Variants in KIF13A observed in about 807,000 individuals in gnomAD.
KIF13A encodes kinesin-like protein KIF13A.
Under a neutral mutation model 212.2 loss-of-function variants are expected in KIF13A, and 79 were observed. The ratio of observed to expected loss-of-function variants is 0.37; its 90% CI spans 0.31 to 0.45. KIF13A has a LOEUF of 0.45. KIF13A is among the 20% of genes least tolerant of loss of function. The probability of loss-of-function intolerance (pLI) is 1.00; values close to 1 mark genes in which losing one functional copy is unlikely to be tolerated. For synonymous variants in KIF13A, 789 were observed against 808.6 expected (o/e 0.98, Z 0.41); for missense variants, 1,901 against 2,209.0 (o/e 0.86, Z 2.79).
chr6:17,945,971 G>C (rs888318612), intron 2 of KIF13A, among the ~76,000 whole-genome samples: 1 of 152,080 alleles, frequency 6.6e-6, no homozygotes, highest in South Asian at 2.1e-4. Context: ...TATCTTGATG[G>C]GGCGAAATTA....
Position 17,849,467 on chromosome 6 carries a change from T to C in KIF13A, c.740A>G (p.Lys247Arg), listed in dbSNP as rs764678759. The C allele has an allele frequency of 4.5e-5, 72 of 1,613,398 alleles. No individual in the cohort carries two copies. The Admixed American group carries it at 5.0e-4, about 11-fold the overall frequency. ...QSGNSGEKVS[K>R]VSLVDLAGSE... is the part of the protein sequence containing the mutation. ...ACCCGCCAGGTCTACCAAGCTGACC[T>C]TACTGACTTTCTCCCCGGAATTCTA... is the stretch of plus-strand genomic sequence containing the variant. Residue 247 changes from lysine to arginine, a missense_variant, in exon 9 of 39, where the codon AAG (lysine) becomes AGG (arginine). Lys to Arg is a conservative substitution (Grantham distance 26). Around this residue, in one of 5 missense-constraint regions of KIF13A, gnomAD observed 506 missense variants for 637.4 expected, o/e 0.79. Transcript: ENST00000259711. This position sits in a 1 kb window ranked among gnomAD's most constrained non-coding sequence, Gnocchi z 5.7.
chr6:17,796,774 T>C lies in KIF13A; in HGVS notation c.2837A>G (p.Asp946Gly). The change falls in exon 23 of 39, where the codon GAT (aspartate) becomes GGT (glycine). Residue 946 changes from aspartate to glycine, a missense_variant. Transcript: ENST00000259711. ...VTEEFLEFISDGALAIEVWGH... is the reference protein window; with the variant it reads ...VTEEFLEFISGGALAIEVWGH... The stretch of plus-strand genomic sequence containing the variant: ...CCATACTTCAATGGCCAGTGCTCCA[T>C]CTGAAATGAACTCCAGAAATTCTTC... 2 of 1,580,988 alleles carry C rather than the reference T, an allele frequency of 1.3e-6. No individual in the cohort carries two copies. The highest frequency in any genetic ancestry group is 1.7e-6 in the Non-Finnish European group (2 of 1,161,584).
At chr6:17,949,389 T>C (rs1777677458) in intron 2 of KIF13A, among the ~76,000 whole-genome samples, 2 of 152,202 alleles carry the variant, frequency 1.3e-5, no homozygotes, top group South Asian at 4.2e-4. Context: ...CCATCAACAT[T>C]TTAATTCTGG....
intron 16 of KIF13A, chr6:17,821,831 G>A (rs1474170180): frequency 3.3e-6 from 5 of 1,535,174 alleles, no homozygotes; most frequent in Non-Finnish European, 4.4e-6. Context: ...AACCACATGA[G>A]AGGAAAGAGG....
intron 3 of KIF13A, among the ~76,000 whole-genome samples, chr6:17,875,024 C>G (rs920067781): frequency 2.0e-5 from 3 of 150,456 alleles, no homozygotes; most frequent in African/African-American, 4.9e-5. Flanking sequence ...CACACACACA[C>G]AGCATGGTTC....
In KIF13A at chr6:17,850,597, T is replaced by A. The variant is rs2840232; in HGVS notation, c.583-140A>T. The A allele has an allele frequency of 0.047, 35,839 of 765,198 alleles. 1,303 individuals are homozygous for A. Among genetic ancestry groups the A allele is most frequent in the East Asian group, 0.16 (5,633 of 35,358 alleles). The allele number at this position is 765,198 out of a possible 1,614,324, so 47.4% of individuals were successfully genotyped here. A position where few individuals can be genotyped will look rare whatever the true frequency, so the allele number is the denominator to read the frequency against. Reference sequence around the variant, plus strand: ...TAGAAACCTCCCTGCCGCTCCTCCATTGAGCATGGTTTGAGCTTCCACCTC... The same window carrying A: ...TAGAAACCTCCCTGCCGCTCCTCCAATGAGCATGGTTTGAGCTTCCACCTC... On this transcript the variant is annotated intron_variant, in intron 7 of 38. Coordinates refer to ENST00000259711, the MANE Select transcript of KIF13A (RefSeq NM_022113.6). The surrounding 1 kb of genome is among the most constrained non-coding windows in gnomAD (Gnocchi z 6.2).
chr6:17,975,428 G>A (rs1020437583), intron 2 of KIF13A, among the ~76,000 whole-genome samples: 6 of 152,058 alleles, frequency 3.9e-5, no homozygotes, highest in Non-Finnish European at 7.4e-5. Flanking sequence ...TGGTGGGTTC[G>A]TGATCTCGCT....
In KIF13A at chr6:17,886,149, A is replaced by G. The variant is rs943141443; in HGVS notation, c.159+12019T>C. 7.9e-5 allele frequency among the ~76,000 whole-genome samples: 12 copies of G among 152,252 alleles called. No individual in the cohort carries two copies. Among genetic ancestry groups the G allele is most frequent in the African/African-American group, 2.9e-4 (12 of 41,458 alleles). On this transcript the variant is annotated intron_variant, in intron 3 of 38. Coordinates refer to ENST00000259711, the MANE Select transcript of KIF13A (RefSeq NM_022113.6). This position sits in a 1 kb window ranked among gnomAD's most constrained non-coding sequence, Gnocchi z 5.6. ...GTTACTCATAAAAATGAGAAGAAAA[A>G]TAAAACCTAGATTAAATCTGAGTCA...
Position 17,764,628 on chromosome 6 carries a change from C to G in KIF13A, c.4900G>C (p.Glu1634Gln). 10 of 1,613,302 alleles carry G rather than the reference C, an allele frequency of 6.2e-6. No individual in the cohort carries two copies. Among genetic ancestry groups the G allele is most frequent in the Non-Finnish European group, 8.5e-6 (10 of 1,179,706 alleles). ...AIQTKDADST[E>Q]HSTPSLVHDF... ...TGCACAAGCGATGGTGTGGAGTGCTCGGTGGAGTCTGCATCCTTCGTCTGA... is the reference window on the plus strand; with the variant it reads ...TGCACAAGCGATGGTGTGGAGTGCTGGGTGGAGTCTGCATCCTTCGTCTGA... Residue 1634 changes from glutamate to glutamine, a missense_variant, in exon 39 of 39, where the codon GAG becomes CAG. Around this residue, in one of 5 missense-constraint regions of KIF13A, gnomAD observed 687 missense variants for 759.1 expected, o/e 0.90. Transcript: ENST00000259711. The surrounding 1 kb of genome is among the most constrained non-coding windows in gnomAD (Gnocchi z 5.1).
rs750501727 is a variant in KIF13A at position 17,825,799 on chromosome 6, C to T, written c.1755G>A (p.Met585Ile). ...EPDYNYEFAQ[M>I]EVIMKTLNSN... ...TATTCAGGGTTTTCATGATAACTTCCATCTGTGCAAATTCATAGTTATAGT... is the reference window on the plus strand; with the variant it reads ...TATTCAGGGTTTTCATGATAACTTCTATCTGTGCAAATTCATAGTTATAGT... Residue 585 changes from methionine to isoleucine, a missense_variant, in exon 16 of 39, where the codon ATG becomes ATA. Physicochemically the swap from Met to Ile is conservative, Grantham distance 10. Transcript: ENST00000259711. This position sits in a 1 kb window ranked among gnomAD's most constrained non-coding sequence, Gnocchi z 4.5. The T allele has an allele frequency of 2.5e-6, 4 of 1,613,764 alleles. No individual in the cohort carries two copies. Among genetic ancestry groups the T allele is most frequent in the South Asian group, 1.1e-5 (1 of 91,058 alleles).
At chr6:17,885,441 G>A (rs1196186065) in intron 3 of KIF13A, among the ~76,000 whole-genome samples, 2 of 152,136 alleles carry the variant, frequency 1.3e-5, no homozygotes, top group African/African-American at 4.8e-5. Flanking sequence ...ATAATGTCTT[G>A]CATTACAGTC....
Position 17,951,284 on chromosome 6 carries a change from C to G in KIF13A, c.146+35770G>C. On this transcript the variant is annotated intron_variant, in intron 2 of 38. Transcript: ENST00000259711. The surrounding 1 kb of genome is among the most constrained non-coding windows in gnomAD (Gnocchi z 4.9). ...CTGGGACCACAGGTATGCGCCACCA[C>G]GTCCAGCTAATTTTAAACAAATTTT... The G allele has an allele frequency of 1.7e-6, 1 of 599,476 alleles. No homozygotes were observed. Among genetic ancestry groups the G allele is most frequent in the Non-Finnish European group, 2.9e-6 (1 of 348,360 alleles). The allele number at this position is 599,476 out of a possible 1,614,324, so 37.1% of individuals were successfully genotyped here.
chr6:17,814,235 G>A (rs6912378), intron 17 of KIF13A, among the ~76,000 whole-genome samples: 25,952 of 139,502 alleles, frequency 0.19, 2,579 homozygotes, highest in South Asian at 0.33. Context: ...ACAGGCATGA[G>A]CTACAGTGCC....
In KIF13A at chr6:17,879,672, G is replaced by A. The variant is rs141522893; in HGVS notation, c.160-6235C>T. On this transcript the variant is annotated intron_variant, in intron 3 of 38. Transcript: ENST00000259711. Reference sequence around the variant, plus strand: ...GACTGTCACTAGAAAAATTATGGCCGTTACTAATGCAGTTTTAAAGATGTT... The same window carrying A: ...GACTGTCACTAGAAAAATTATGGCCATTACTAATGCAGTTTTAAAGATGTT... Among the ~76,000 whole-genome samples, 20 of 152,266 alleles carry A rather than the reference G, an allele frequency of 1.3e-4. No individual in the cohort carries two copies. The South Asian group carries it at 2.5e-3, about 19-fold the overall frequency.
chr6:17,838,504 A>T lies in KIF13A; in HGVS notation c.831-921T>A, dbSNP rs1766195823. Among the ~76,000 whole-genome samples the T allele has an allele frequency of 6.6e-6, 1 of 152,118 alleles. No homozygotes were observed. Among genetic ancestry groups the T allele is most frequent in the African/African-American group, 2.4e-5 (1 of 41,434 alleles). On this transcript the variant is annotated intron_variant, in intron 9 of 38. Transcript: ENST00000259711. The surrounding 1 kb of genome is among the most constrained non-coding windows in gnomAD (Gnocchi z 4.2). ...AGACGAGTCACTGAAAAGTCCCCGA[A>T]ATATAATATAAACTCAAGATTCAGA...
rs1766296065 is a variant in KIF13A at position 17,839,439 on chromosome 6, A to C, written c.831-1856T>G. 6.6e-6 allele frequency among the ~76,000 whole-genome samples: 1 copy of C among 152,220 alleles called. No homozygotes were observed. Among genetic ancestry groups the C allele is most frequent in the South Asian group, 2.1e-4 (1 of 4,828 alleles). ...GTGATGAATAAAATCTGGTATATACACACAGTGGAATATCATTTGGCCATA... is the reference window on the plus strand; with the variant it reads ...GTGATGAATAAAATCTGGTATATACCCACAGTGGAATATCATTTGGCCATA... On this transcript the variant is annotated intron_variant, in intron 9 of 38. Transcript: ENST00000259711. The surrounding 1 kb of genome is among the most constrained non-coding windows in gnomAD (Gnocchi z 4.3).
intron 38 of KIF13A, among the ~76,000 whole-genome samples, chr6:17,765,652 G>T (rs1643894746): frequency 6.6e-6 from 1 of 152,118 alleles, no homozygotes; most frequent in African/African-American, 2.4e-5. Flanking sequence ...AATCTCCTTT[G>T]TAAAACAGTT....
chr6:17,966,767 AT>A (rs1237957234), intron 2 of KIF13A, among the ~76,000 whole-genome samples: 3 of 152,302 alleles, frequency 2.0e-5, no homozygotes, highest in Admixed American at 6.5e-5. Context: ...CTGTCTTATG[AT>A]TCTTATTATT....
intron 20 of KIF13A, among the ~76,000 whole-genome samples, chr6:17,800,474 T>C (rs1762385947): frequency 6.6e-6 from 1 of 151,826 alleles, no homozygotes; most frequent in South Asian, 2.1e-4. Context: ...TCTTGCTCTG[T>C]CATCCAGGCT....
Sources: allele counts gnomAD v4.1 joint callset (sites outside exome capture counted in the v4.1 genomes callset), GRCh38; gene constraint gnomAD v4.1.1; regional missense constraint gnomAD v4.1.1; non-coding constraint Gnocchi (gnomAD v3.1); transcripts MANE v1.5; gene names NCBI Gene and HGNC (gene_info 2026-07-23, HGNC 2026-07-21).